BPHL: variants seen among roughly 807,000 people sequenced by gnomAD.
The protein encoded by BPHL is serine hydrolase BPHL.
In BPHL, 27 loss-of-function variants were observed where a neutral mutation model predicts 31.2. The ratio of observed to expected loss-of-function variants is 0.87; its 90% CI spans 0.64 to 1.19. BPHL has a LOEUF of 1.19. Ranked by LOEUF, BPHL falls within the 50% of genes most tolerant of loss-of-function variation. The pLI is 0.00. For synonymous variants in BPHL, 150 were observed against 146.8 expected (o/e 1.02, Z -0.16); for missense variants, 356 against 375.7 (o/e 0.95, Z 0.43).
At chr6:3,122,623 G>A (rs1761606980) in intron 1 of BPHL, among the ~76,000 whole-genome samples, 1 of 152,220 alleles carries the variant, frequency 6.6e-6, no homozygotes, top group Admixed American at 6.5e-5. Flanking sequence ...GCGTTGTCCT[G>A]TGCTAAGTGT....
chr6:3,143,423 G>T (rs1581481647), intron 6 of BPHL, among the ~76,000 whole-genome samples: 1 of 152,178 alleles, frequency 6.6e-6, no homozygotes, highest in Non-Finnish European at 1.5e-5. Flanking sequence ...TCTCTTTGTG[G>T]TAGAAGAAAA....
chr6:3,135,953 C>T (rs563113192), intron 4 of BPHL, among the ~76,000 whole-genome samples: 5 of 152,268 alleles, frequency 3.3e-5, no homozygotes, highest in South Asian at 4.1e-4. Context: ...GGTTGGGCCC[C>T]GGCCTGCCTG....
intron 4 of BPHL, among the ~76,000 whole-genome samples, chr6:3,135,454 G>A (rs1761992720): frequency 6.6e-6 from 1 of 152,092 alleles, no homozygotes; most frequent in Admixed American, 6.5e-5. Flanking sequence ...TTGATATATT[G>A]CTGTTTTAAT....
intron 6 of BPHL, among the ~76,000 whole-genome samples, chr6:3,146,282 GGTTCGGGTC>G (rs1762355300): frequency 1.5e-5 from 1 of 68,448 alleles, no homozygotes; most frequent in African/African-American, 5.4e-5. Context: ...TCGGAGTGCT[GGTTCGGGTC>G]GAGTGCTGGT....
Position 3,137,485 on chromosome 6 carries a change from T to G in BPHL, c.656T>G (p.Leu219Arg). ...GATGGCATAAGACAGTTTAAACATC[T>G]CCCAGATGGTAGGTTACTGGGCTTG... is the stretch of plus-strand genomic sequence containing the variant. ...WVDGIRQFKH[L>R]PDGNICRHLL... is the part of the protein sequence containing the mutation. The change falls in exon 5 of 7, where the codon CTC (leucine) becomes CGC (arginine). Residue 219 changes from leucine (L) to arginine (R), a missense_variant. Transcript: ENST00000380379. 6.2e-7 allele frequency: 1 copy of G among 1,613,748 alleles called. No homozygotes were observed. Among genetic ancestry groups the G allele is most frequent in the Non-Finnish European group, 8.5e-7 (1 of 1,179,960 alleles).
In BPHL at chr6:3,122,022, G is replaced by A. The variant is rs189670746; in HGVS notation, c.108-1635G>A. Among the ~76,000 whole-genome samples, 382 of 152,324 alleles carry A rather than the reference G, an allele frequency of 2.5e-3. 5 individuals carry two copies. The highest frequency in any genetic ancestry group is 8.7e-3 in the African/African-American group (362 of 41,568). ...AAGAAAAAGGAGATGGGCCGGGCCT[G>A]TAATCCCAGCGCTTAGGGAGGCTGA... On this transcript the variant is annotated intron_variant, in intron 1 of 6. Coordinates refer to ENST00000380379, the MANE Select transcript of BPHL (RefSeq NM_004332.4).
chr6:3,142,466 G>A (rs1350276388), intron 6 of BPHL, among the ~76,000 whole-genome samples: 2 of 152,028 alleles, frequency 1.3e-5, no homozygotes, highest in African/African-American at 4.8e-5. Flanking sequence ...GATTGTATAC[G>A]TTTGCAGTGT....
chr6:3,144,571 G>T (rs9328143), intron 6 of BPHL, among the ~76,000 whole-genome samples: 103,923 of 151,290 alleles, frequency 0.69, 36,159 homozygotes, highest in African/African-American at 0.77. Flanking sequence ...TATGTATTTT[G>T]TGTAGAGAAA....
rs1257258077 is a variant in BPHL, at chr6:3,152,984, G to C, written c.*409G>C. 6.5e-6 allele frequency: 1 copy of C among 154,214 alleles called. No homozygotes were observed. Among genetic ancestry groups the C allele is most frequent in the African/African-American group, 2.4e-5 (1 of 41,366 alleles). The allele number at this position is 154,214 out of a possible 1,614,324, so 9.6% of individuals were successfully genotyped here. A position where few individuals can be genotyped will look rare whatever the true frequency, so the allele number is the denominator to read the frequency against. On this transcript the variant is annotated 3_prime_UTR_variant, in exon 7 of 7. Transcript: ENST00000380379. The stretch of plus-strand genomic sequence containing the variant: ...TTCAAAGCTGCAGTGAGCTGTAATT[G>C]CATCACTGCACTCCAACCTGGGCAA...
intron 6 of BPHL, among the ~76,000 whole-genome samples, chr6:3,148,430 A>G (rs1002872379): frequency 2.0e-5 from 3 of 152,248 alleles, no homozygotes; most frequent in Non-Finnish European, 4.4e-5. Flanking sequence ...TAGGTGGAAA[A>G]GATTCACACC....
intron 6 of BPHL, among the ~76,000 whole-genome samples, chr6:3,151,312 C>G (rs796555189): frequency 6.6e-6 from 1 of 152,320 alleles, no homozygotes; most frequent in African/African-American, 2.4e-5. Flanking sequence ...GGGGTGGGTG[C>G]AACTCATCCT....
chr6:3,152,210 C>G (rs727259), intron 6 of BPHL, among the ~76,000 whole-genome samples: 12,858 of 152,210 alleles, frequency 0.084, 788 homozygotes, highest in African/African-American at 0.17. Flanking sequence ...CCAGTCAAAC[C>G]ATTTGTTACT....
chr6:3,125,330 CCACAG>C (rs1269796659), intron 2 of BPHL, among the ~76,000 whole-genome samples: 1 of 152,134 alleles, frequency 6.6e-6, no homozygotes, highest in Non-Finnish European at 1.5e-5. Flanking sequence ...CAGGCATGAG[CCACAG>C]CACCTGTCCC....
rs145768156 is a variant in BPHL, at chr6:3,137,949, A to G, written c.664+456A>G. ...AATCTCAACGGAATTAATATGAGGA[A>G]GAAAATATTCTGTTTTTTCCATCTT... On this transcript the variant is annotated intron_variant, in intron 5 of 6. Transcript: ENST00000380379. The G allele has an allele frequency of 5.4e-4, 672 of 1,250,652 alleles. 4 individuals are homozygous for G. The African/African-American group carries it at 9.1e-3, about 17-fold the overall frequency. The allele number at this position is 1,250,652 out of a possible 1,614,324, so 77.5% of individuals were successfully genotyped here.
At chr6:3,138,232 A>G in intron 5 of BPHL, 3 of 303,666 alleles carry the variant, frequency 9.9e-6, no homozygotes, top group South Asian at 5.2e-5. Flanking sequence ...GTTGGCCAGG[A>G]TGGCCTTGAT....
Position 3,152,526 on chromosome 6 carries a change from T to C in BPHL, c.827T>C (p.Leu276Ser), listed in dbSNP as rs2231370. 15,355 of 1,613,554 alleles carry C rather than the reference T, an allele frequency of 9.5e-3. 810 individuals carry two copies. The African/African-American group carries it at 0.14, about 14-fold the overall frequency. Reference sequence around the variant, plus strand: ...CCAGAAGGCAAACACAACCTGCATTTGCGTTTTGCAGATGAATTCAACAAG... The same window carrying C: ...CCAGAAGGCAAACACAACCTGCATTCGCGTTTTGCAGATGAATTCAACAAG... ...LMPEGKHNLH[L>S]RFADEFNKLA... The change falls in exon 7 of 7, where the codon TTG (leucine) becomes TCG (serine). Residue 276 changes from leucine (L) to serine (S), a missense_variant. Coordinates refer to ENST00000380379, the MANE Select transcript of BPHL (RefSeq NM_004332.4).
intron 6 of BPHL, among the ~76,000 whole-genome samples, chr6:3,146,415 T>A (rs28638152): frequency 1.0e-5 from 1 of 96,970 alleles, no homozygotes; most frequent in African/African-American, 4.3e-5. Context: ...TGGTTTGGGT[T>A]GAGTGCTGGT....
Position 3,118,782 on chromosome 6 carries a change from G to T in BPHL, c.42G>T (p.Arg14=). ...GCGGCCGGGGCGTGTTGCGCCTGCG[G>T]CTGCTTCTCTCAGCGCTGAAGCCCG... ...VLGGRGVLRL[R]LLLSALKPGI... Residue 14 remains arginine (R), a synonymous_variant, in exon 1 of 7, where the codon CGG becomes CGT. Transcript: ENST00000380379. The T allele has an allele frequency of 8.0e-7, 1 of 1,252,158 alleles. No homozygotes were observed. Among genetic ancestry groups the T allele is most frequent in the Non-Finnish European group, 1.0e-6 (1 of 994,848 alleles). 77.6% of individuals were successfully genotyped at this position (1,252,158 alleles called of 1,614,324 possible). A position where few individuals can be genotyped will look rare whatever the true frequency, so the allele number is the denominator to read the frequency against.
At chr6:3,152,396 A>T in intron 6 of BPHL, 92 bp from the exon 7 acceptor site, 2 of 1,075,832 alleles carry the variant, frequency 1.9e-6, no homozygotes, top group Non-Finnish European at 2.8e-6. Flanking sequence ...TTAATTTTTC[A>T]CTTTAGATGT....
Sources: gnomAD v4.1 joint callset for allele counts (sites outside exome capture counted in the v4.1 genomes callset) on GRCh38, gnomAD v4.1.1 for gene constraint, MANE v1.5 for transcripts, NCBI Gene and HGNC (gene_info 2026-07-23, HGNC 2026-07-21) for gene names.